The following ADAM29 variants were observed in gnomAD, a reference collection of about 807,000 sequenced individuals.
ADAM29 encodes disintegrin and metalloproteinase domain-containing protein 29.
For synonymous variants in ADAM29, 367 were observed against 342.3 expected (o/e 1.07, Z -0.80); for missense variants, 969 against 1,001.8 (o/e 0.97, Z 0.44).
At chr4:174,923,351 G>A (rs1743277339) in intron 2 of ADAM29, among the ~76,000 whole-genome samples, 1 of 151,554 alleles carries the variant, frequency 6.6e-6, no homozygotes, top group African/African-American at 2.4e-5. Context: ...CACCGTGCTT[G>A]GCCTAATTTA....
chr4:174,945,587 T>C (rs1744798588), intron 4 of ADAM29, among the ~76,000 whole-genome samples: 1 of 152,204 alleles, frequency 6.6e-6, no homozygotes, highest in Non-Finnish European at 1.5e-5. Context: ...TCTAGAATTG[T>C]GTTTTCTAGG....
At chr4:174,920,633 C>T (rs962104668) in intron 1 of ADAM29, 54 bp from the exon 2 acceptor site, 3 of 151,972 alleles carry the variant, frequency 2.0e-5, no homozygotes, top group African/African-American at 7.2e-5. Flanking sequence ...CATTTTGACC[C>T]CTTTCCAGAA....
chr4:174,924,948 T>G (rs1179371019), intron 2 of ADAM29, among the ~76,000 whole-genome samples: 1 of 152,216 alleles, frequency 6.6e-6, no homozygotes, highest in African/African-American at 2.4e-5. Context: ...ACATTAACTG[T>G]GACAAGGAAT....
chr4:174,963,229 C>A (rs538430654), intron 4 of ADAM29, among the ~76,000 whole-genome samples: 1 of 152,148 alleles, frequency 6.6e-6, no homozygotes, highest in African/African-American at 2.4e-5. Flanking sequence ...GTGAGGGGGA[C>A]AAATCTGGAC....
At chr4:174,974,547 C>T (rs1472453557) in intron 4 of ADAM29, among the ~76,000 whole-genome samples, 1 of 152,134 alleles carries the variant, frequency 6.6e-6, no homozygotes, top group East Asian at 1.9e-4. Context: ...ACTGAAACTA[C>T]AAAACTTTGT....
intron 4 of ADAM29, among the ~76,000 whole-genome samples, chr4:174,953,613 G>T (rs1745316150): frequency 1.3e-5 from 2 of 152,214 alleles, no homozygotes; most frequent in East Asian, 3.9e-4. Context: ...TGTTTTGGAA[G>T]ATTACTTAGA....
Position 174,930,803 on chromosome 4 carries a change from A to G in ADAM29, c.-450-183A>G, listed in dbSNP as rs543358775. On this transcript the variant is annotated intron_variant, in intron 2 of 4. Coordinates refer to ENST00000359240, the MANE Select transcript of ADAM29 (RefSeq NM_014269.4). ...ATGATTTTCTTCTGGGAAATTTTATATTTATGCATTTAAATTTCTCTTGAT... is the reference window on the plus strand; with the variant it reads ...ATGATTTTCTTCTGGGAAATTTTATGTTTATGCATTTAAATTTCTCTTGAT... Among the ~76,000 whole-genome samples, 517 of 152,254 alleles carry G rather than the reference A, an allele frequency of 3.4e-3. 3 individuals are homozygous for G. Among genetic ancestry groups the G allele is most frequent in the Non-Finnish European group, 5.5e-3 (375 of 68,004 alleles).
chr4:174,970,291 G>C (rs1367460755), intron 4 of ADAM29, among the ~76,000 whole-genome samples: 1 of 152,100 alleles, frequency 6.6e-6, no homozygotes, highest in African/African-American at 2.4e-5. Flanking sequence ...ATGGAATCAA[G>C]GTTGTGAATC....
At chr4:174,929,032 G>A (rs1223852562) in intron 2 of ADAM29, among the ~76,000 whole-genome samples, 2 of 152,134 alleles carry the variant, frequency 1.3e-5, no homozygotes, top group African/African-American at 4.8e-5. Flanking sequence ...TCAGGTTCAG[G>A]GGAACTTCTA....
chr4:174,951,953 C>T (rs370323825), intron 4 of ADAM29, among the ~76,000 whole-genome samples: 17 of 151,998 alleles, frequency 1.1e-4, no homozygotes, highest in African/African-American at 3.9e-4. Context: ...TTGTGCATCA[C>T]GGTGACTATA....
In ADAM29 at chr4:174,977,080, A is replaced by T. The variant is rs757028572; in HGVS notation, c.1555A>T (p.Thr519Ser). ...TGCAGGCGCAAATACTGCAAGTGAG[A>T]CTTGCTACAAAGAATTGAACACCTT... ...FGAGANTASETCYKELNTLGD... is the reference protein window; with the variant it reads ...FGAGANTASESCYKELNTLGD... The change falls in exon 5 of 5, where the codon ACT becomes TCT. Residue 519 changes from threonine to serine, a missense_variant. Thr to Ser is a moderately conservative substitution (Grantham distance 58). Coordinates refer to ENST00000359240, the MANE Select transcript of ADAM29 (RefSeq NM_014269.4). The T allele has an allele frequency of 2.5e-6, 4 of 1,614,018 alleles. No homozygotes were observed. The highest frequency in any genetic ancestry group is 3.3e-4 in the Middle Eastern group (2 of 6,060).
chr4:174,970,274 G>C (rs187860759), intron 4 of ADAM29, among the ~76,000 whole-genome samples: 4 of 152,214 alleles, frequency 2.6e-5, no homozygotes, highest in African/African-American at 2.4e-5. Context: ...GTGAATTAAG[G>C]TTGCAGATGG....
chr4:174,936,659 T>C (rs1458306688), intron 3 of ADAM29, among the ~76,000 whole-genome samples: 2 of 152,076 alleles, frequency 1.3e-5, no homozygotes, highest in East Asian at 3.9e-4. Flanking sequence ...TCCTAAACGG[T>C]ACTATTTTTT....
At chr4:174,950,365 C>T (rs961281773) in intron 4 of ADAM29, among the ~76,000 whole-genome samples, 3 of 152,170 alleles carry the variant, frequency 2.0e-5, no homozygotes, top group Non-Finnish European at 4.4e-5. Flanking sequence ...TGGCAAGGTT[C>T]CCTTCAGACC....
chr4:174,955,431 T>C (rs752497257), intron 4 of ADAM29, among the ~76,000 whole-genome samples: 1 of 152,132 alleles, frequency 6.6e-6, no homozygotes, highest in Non-Finnish European at 1.5e-5. Flanking sequence ...AGTTATTATA[T>C]AGCTGGAAAG....
chr4:174,959,762 A>C (rs1281843378), intron 4 of ADAM29, among the ~76,000 whole-genome samples: 2 of 151,922 alleles, frequency 1.3e-5, no homozygotes, highest in African/African-American at 4.8e-5. Flanking sequence ...TTTTCTTAAT[A>C]GTGTTGAGTC....
chr4:174,965,645 G>A (rs1746116113), intron 4 of ADAM29, among the ~76,000 whole-genome samples: 1 of 152,082 alleles, frequency 6.6e-6, no homozygotes, highest in Admixed American at 6.6e-5. Flanking sequence ...GGCAGCAGCA[G>A]ATTTGATGTC....
chr4:174,954,219 G>T (rs1425646407), intron 4 of ADAM29, among the ~76,000 whole-genome samples: 1 of 152,034 alleles, frequency 6.6e-6, no homozygotes, highest in Non-Finnish European at 1.5e-5. Flanking sequence ...ATTAGATCTT[G>T]CCATTCCCTA....
intron 4 of ADAM29, among the ~76,000 whole-genome samples, chr4:174,967,935 T>C (rs1746243004): frequency 6.6e-6 from 1 of 152,238 alleles, no homozygotes; most frequent in Admixed American, 6.5e-5. Flanking sequence ...GATTTAATAC[T>C]CACAAATTAT....
Sources: allele counts gnomAD v4.1 joint callset (sites outside exome capture counted in the v4.1 genomes callset), GRCh38; gene constraint gnomAD v4.1.1; transcripts MANE v1.5; gene names NCBI Gene and HGNC (gene_info 2026-07-23, HGNC 2026-07-21).